Variants in SEMA6D observed in about 807,000 individuals in gnomAD.
SEMA6D encodes the protein semaphorin 6D.
SEMA6D carries 35 observed loss-of-function variants against 106.6 expected under a neutral mutation model. The observed-to-expected ratio is 0.33, with a 90% CI of 0.25 to 0.44. The LOEUF (loss-of-function observed/expected upper bound fraction) is 0.44. SEMA6D is among the 20% of genes least tolerant of loss of function. The pLI, the probability that SEMA6D is intolerant of heterozygous loss-of-function variation, is 1.00. For synonymous variants in SEMA6D, 499 were observed against 487.7 expected, an observed-to-expected ratio of 1.02 and a Z score of -0.31; for missense variants, 1,185 against 1,345.9, an observed-to-expected ratio of 0.88 and a Z score of 1.87.
At chr15:47,762,418 T>G (rs1567097294) in intron 8 of SEMA6D, 99 bp downstream of exon 8, 3 of 1,363,744 alleles carry the variant, frequency 2.2e-6, no homozygotes, top group Non-Finnish European at 3.0e-6. Context: ...CATGACTTTA[T>G]ATTGTTTATT....
In SEMA6D at chr15:47,546,784, G is replaced by A. The variant is rs118050167; in HGVS notation, c.-86-54081G>A. 9.8e-3 allele frequency among the ~76,000 whole-genome samples: 1,485 copies of A among 151,880 alleles called. 10 individuals carry two copies. Among genetic ancestry groups the A allele is most frequent in the Admixed American group, 0.021 (316 of 15,242 alleles). On this transcript the variant is annotated intron_variant, in intron 3 of 19. Coordinates refer to the SEMA6D transcript ENST00000558014. ...GGACCATTCATATTCAGGTTTCCCT[G>A]GAGATCAACCATAGCTACCTTCCAG...
intron 1 of SEMA6D, among the ~76,000 whole-genome samples, chr15:47,334,342 G>T (rs1201971416): frequency 2.0e-5 from 3 of 152,126 alleles, no homozygotes; most frequent in African/African-American, 7.2e-5. Context: ...ACCCAAAGTG[G>T]GGTTTATGGG....
chr15:47,207,677 T>A (rs1261013363), intron 1 of SEMA6D, among the ~76,000 whole-genome samples: 1 of 152,038 alleles, frequency 6.6e-6, no homozygotes, highest in Admixed American at 6.6e-5. Context: ...TTGTCTTTCC[T>A]CCTCTTCTGG....
At chr15:47,534,088 C>A (rs1241750130) in intron 3 of SEMA6D, among the ~76,000 whole-genome samples, 1 of 152,098 alleles carries the variant, frequency 6.6e-6, no homozygotes, top group African/African-American at 2.4e-5. Context: ...GCCAGGGTGC[C>A]TATCACCTGG....
intron 3 of SEMA6D, among the ~76,000 whole-genome samples, chr15:47,582,323 C>T (rs988547704): frequency 6.6e-6 from 1 of 152,174 alleles, no homozygotes; most frequent in Non-Finnish European, 1.5e-5. Context: ...CGAGGCCACA[C>T]CATGAGTCCC....
chr15:47,407,399 ACAACAAC>A (rs2040620556), intron 1 of SEMA6D, among the ~76,000 whole-genome samples: 2 of 139,674 alleles, frequency 1.4e-5, no homozygotes, highest in Admixed American at 7.5e-5. Context: ...CAAAACAACA[ACAACAAC>A]AACAAAAAAA....
At chr15:47,484,212 G>A (rs1055955350) in intron 3 of SEMA6D, among the ~76,000 whole-genome samples, 4 of 152,126 alleles carry the variant, frequency 2.6e-5, no homozygotes, top group Admixed American at 6.6e-5. Context: ...GGTATTTTCA[G>A]TCTCTTTTTG....
chr15:47,729,196 G>A (rs2079960120), intron 1 of SEMA6D, among the ~76,000 whole-genome samples: 1 of 152,200 alleles, frequency 6.6e-6, no homozygotes, highest in Non-Finnish European at 1.5e-5. Flanking sequence ...GAATGTGAGT[G>A]GTGAGAAAAG....
intron 2 of SEMA6D, among the ~76,000 whole-genome samples, chr15:47,433,947 C>T (rs534574576): frequency 2.2e-4 from 33 of 152,188 alleles, no homozygotes; most frequent in African/African-American, 7.9e-4. Flanking sequence ...ATGAGATGGA[C>T]TTTCAGTAAC....
At chr15:47,370,851 G>A (rs554780357) in intron 1 of SEMA6D, among the ~76,000 whole-genome samples, 68 of 152,214 alleles carry the variant, frequency 4.5e-4, no homozygotes, top group Non-Finnish European at 8.2e-4. Context: ...GGGTGACAGA[G>A]CGAGACTCCA....
intron 1 of SEMA6D, among the ~76,000 whole-genome samples, chr15:47,721,280 G>A (rs2079407141): frequency 6.6e-6 from 1 of 152,246 alleles, no homozygotes; most frequent in African/African-American, 2.4e-5. Flanking sequence ...GATATTTGCA[G>A]TGGTGCAGCC....
At chr15:47,567,736 G>A (rs768023713) in intron 3 of SEMA6D, among the ~76,000 whole-genome samples, 19 of 151,980 alleles carry the variant, frequency 1.3e-4, no homozygotes, top group East Asian at 1.9e-4. Flanking sequence ...TTGTCTTCCC[G>A]CACTGAAGTT....
intron 13 of SEMA6D, among the ~76,000 whole-genome samples, chr15:47,765,655 A>G (rs1426779533): frequency 6.6e-6 from 1 of 152,184 alleles, no homozygotes; most frequent in African/African-American, 2.4e-5. Context: ...ATAACAGGAA[A>G]GCAATGTTTA....
intron 4 of SEMA6D, among the ~76,000 whole-genome samples, chr15:47,708,528 T>G (rs910955867): frequency 6.6e-6 from 1 of 152,238 alleles, no homozygotes; most frequent in Non-Finnish European, 1.5e-5. Context: ...GGATTTAGTA[T>G]TTACAGTATT....
At chr15:47,669,996 T>C (rs1372192579) in intron 4 of SEMA6D, among the ~76,000 whole-genome samples, 2 of 152,254 alleles carry the variant, frequency 1.3e-5, no homozygotes, top group African/African-American at 4.8e-5. Context: ...CACATCAAGT[T>C]CTTTCTGTCA....
chr15:47,670,126 A>T (rs2078110172), intron 4 of SEMA6D, among the ~76,000 whole-genome samples: 1 of 151,842 alleles, frequency 6.6e-6, no homozygotes, highest in African/African-American at 2.4e-5. Flanking sequence ...CTGGAGCATC[A>T]CTCCCTCCTC....
intron 2 of SEMA6D, among the ~76,000 whole-genome samples, chr15:47,446,522 T>C (rs1053806021): frequency 6.6e-6 from 1 of 152,090 alleles, no homozygotes; most frequent in Non-Finnish European, 1.5e-5. Flanking sequence ...CTAAAGCAAA[T>C]GTATGTTTAA....
rs1408021122 is a variant in SEMA6D, at chr15:47,557,328, A to G, written c.-86-43537A>G. On this transcript the variant is annotated intron_variant, in intron 3 of 19. Transcript: ENST00000558014. Reference sequence around the variant, plus strand: ...ACATAGACTTCACAGTTAGCTACCTACACTTGGAGAACCTACGGTTGTGAT... The same window carrying G: ...ACATAGACTTCACAGTTAGCTACCTGCACTTGGAGAACCTACGGTTGTGAT... Among the ~76,000 whole-genome samples, 3 of 152,344 alleles carry G rather than the reference A, an allele frequency of 2.0e-5. No homozygotes were observed. The East Asian group carries it at 5.8e-4, about 29-fold the overall frequency.
intron 1 of SEMA6D, among the ~76,000 whole-genome samples, chr15:47,259,962 CCT>C (rs2033991476): frequency 6.7e-6 from 1 of 150,276 alleles, no homozygotes; most frequent in Admixed American, 6.6e-5. Context: ...TTGATTCTCT[CCT>C]GTCATCTCTA....
Sources: allele counts gnomAD v4.1 joint callset (sites outside exome capture counted in the v4.1 genomes callset), GRCh38; gene constraint gnomAD v4.1.1; transcripts MANE v1.5; gene names NCBI Gene and HGNC (gene_info 2026-07-23, HGNC 2026-07-21).